AGFG2: variants seen among roughly 807,000 people sequenced by gnomAD.
AGFG2 encodes ArfGAP with FG repeats 2.
In AGFG2, 31 loss-of-function variants were observed where a neutral mutation model predicts 48.0. The ratio of observed to expected loss-of-function variants is 0.65; its 90% CI spans 0.49 to 0.87. The LOEUF (loss-of-function observed/expected upper bound fraction) is 0.87. Among genes scored for constraint, AGFG2 ranks in the 40% least tolerant of loss-of-function variants. AGFG2 has a pLI of 0.00. For synonymous variants in AGFG2, 229 were observed against 260.8 expected (o/e 0.88, Z 1.18); for missense variants, 599 against 632.6 (o/e 0.95, Z 0.57).
rs894300952 is a variant in AGFG2, at chr7:100,565,690, A to G, written c.*699A>G. The G allele has an allele frequency of 6.5e-6, 1 of 152,746 alleles. No individual in the cohort carries two copies. Among genetic ancestry groups the G allele is most frequent in the African/African-American group, 2.4e-5 (1 of 41,452 alleles). 9.5% of individuals were successfully genotyped at this position (152,746 alleles called of 1,614,324 possible). A position where few individuals can be genotyped will look rare whatever the true frequency, so the allele number is the denominator to read the frequency against. On this transcript the variant is annotated 3_prime_UTR_variant, in exon 12 of 12. Coordinates refer to ENST00000300176, the MANE Select transcript of AGFG2 (RefSeq NM_006076.5). The stretch of plus-strand genomic sequence containing the variant: ...TAAATAGATCTATCTATATGCACAT[A>G]CATACATATATACACACACCCAGCC...
At chr7:100,550,578 T>G (rs1265770684) in intron 3 of AGFG2, 67 bp downstream of exon 3, 8 of 1,294,964 alleles carry the variant, frequency 6.2e-6, no homozygotes, top group Non-Finnish European at 8.9e-6. Flanking sequence ...CAGTCCAGTT[T>G]CTAGAGTTGA....
At position 100,562,920 on chromosome 7, in the gene AGFG2, C is replaced by A. The variant is rs758079460; in HGVS notation, c.1145C>A (p.Pro382Gln). The A allele has an allele frequency of 6.2e-7, 1 of 1,613,984 alleles. No individual in the cohort carries two copies. Among genetic ancestry groups the A allele is most frequent in the African/African-American group, 1.3e-5 (1 of 74,916 alleles). ...CAGTCCCCGCTGCCTTCCACCAACC[C>A]GTTCCAGCCCAATGGCTTGGCGCCA... ...AAQSPLPSTN[P>Q]FQPNGLAPGP... Residue 382 changes from proline (P) to glutamine (Q), a missense_variant, in exon 9 of 12, where the codon CCG becomes CAG. By Grantham distance (76) the Pro-to-Gln change is moderately conservative. Transcript: ENST00000300176. This position sits in a 1 kb window ranked among gnomAD's most constrained non-coding sequence, Gnocchi z 5.4.
rs1800994476 is a variant in AGFG2 at position 100,565,814 on chromosome 7, GC to G, written c.*824del. 1.3e-5 allele frequency: 2 copies of G among 152,316 alleles called. No individual in the cohort carries two copies. Among genetic ancestry groups the G allele is most frequent in the Admixed American group, 1.3e-4 (2 of 15,280 alleles). The allele number at this position is 152,316 out of a possible 1,614,324, so 9.4% of individuals were successfully genotyped here. A position where few individuals can be genotyped will look rare whatever the true frequency, so the allele number is the denominator to read the frequency against. ...CCGGAGCTCCAGGGCTGGAGGGGGG[GC>G]AGCCATGTGTCCTGACCCCCACCAT... On this transcript the variant is annotated 3_prime_UTR_variant, in exon 12 of 12. Transcript: ENST00000300176.
At chr7:100,564,052 T>C (rs1054638834) in intron 10 of AGFG2, 90 bp downstream of exon 10, 13 of 1,572,782 alleles carry the variant, frequency 8.3e-6, no homozygotes, top group African/African-American at 4.0e-5. Flanking sequence ...TCAGAGCCCA[T>C]GCAGTGCCCT....
chr7:100,553,614 G>C (rs1435720182), intron 4 of AGFG2, 114 bp downstream of exon 4: 2 of 1,277,526 alleles, frequency 1.6e-6, no homozygotes, highest in African/African-American at 3.0e-5. Context: ...GCTGTGAGTT[G>C]GGTCTCGGCT....
At position 100,550,475 on chromosome 7, in the gene AGFG2, A is replaced by C. The variant is rs748556561; in HGVS notation, c.395A>C (p.Lys132Thr). Residue 132 changes from lysine (K) to threonine (T), a missense_variant, in exon 3 of 12, where the codon AAG becomes ACG. Lys to Thr is a moderately conservative substitution (Grantham distance 78). Coordinates refer to ENST00000300176, the MANE Select transcript of AGFG2 (RefSeq NM_006076.5). ...GATTCCAGGGATCCTCAGAAAGTGA[A>C]GGAGTTTCTCCAGGAAAAATATGAG... The part of the protein sequence containing the change: ...VPDSRDPQKV[K>T]EFLQEKYEKK... 4.9e-5 allele frequency: 79 copies of C among 1,613,940 alleles called. No homozygotes were observed. Among genetic ancestry groups the C allele is most frequent in the Non-Finnish European group, 6.7e-5 (79 of 1,179,966 alleles).
chr7:100,539,393 G>T lies in AGFG2; in HGVS notation c.47G>T (p.Ser16Ile). 1 of 1,305,354 alleles carries T rather than the reference G, an allele frequency of 7.7e-7. No individual in the cohort carries two copies. The allele number at this position is 1,305,354 out of a possible 1,614,324, so 80.9% of individuals were successfully genotyped here. A position where few individuals can be genotyped will look rare whatever the true frequency, so the allele number is the denominator to read the frequency against. The change falls in exon 1 of 12, where the codon AGC becomes ATC. Residue 16 changes from serine to isoleucine, a missense_variant. Transcript: ENST00000300176. ...GGCCCGGGCCCGGGCGGCGGGGTCAGCGGGGGCAAGGCGGAGGCGGAGGCG... is the reference window on the plus strand; with the variant it reads ...GGCCCGGGCCCGGGCGGCGGGGTCATCGGGGGCAAGGCGGAGGCGGAGGCG... Reference protein sequence around the residue: ...KKGPGPGGGVSGGKAEAEAAS... With the variant: ...KKGPGPGGGVIGGKAEAEAAS...
chr7:100,562,538 C>A lies in AGFG2; in HGVS notation c.999-56C>A. 1 of 1,611,990 alleles carries A rather than the reference C, an allele frequency of 6.2e-7. No homozygotes were observed. The highest frequency in any genetic ancestry group is 8.5e-7 in the Non-Finnish European group (1 of 1,178,932). ...AGGGTTGGCATCTCCTGGCCCCTTGCTCAGGTTTGATTGGCCCTGGCAGCT... is the reference window on the plus strand; with the variant it reads ...AGGGTTGGCATCTCCTGGCCCCTTGATCAGGTTTGATTGGCCCTGGCAGCT... On this transcript the variant is annotated intron_variant, in intron 7 of 11. Transcript: ENST00000300176. This position sits in a 1 kb window ranked among gnomAD's most constrained non-coding sequence, Gnocchi z 5.4.
intron 3 of AGFG2, among the ~76,000 whole-genome samples, chr7:100,552,878 G>A (rs1199860972): frequency 6.6e-6 from 1 of 152,144 alleles, no homozygotes; most frequent in African/African-American, 2.4e-5. Flanking sequence ...TGCCAGGTGT[G>A]GTGGCTCATG....
rs1800981667 is a variant in AGFG2 at position 100,565,237 on chromosome 7, G to A, written c.*246G>A. On this transcript the variant is annotated 3_prime_UTR_variant, in exon 12 of 12. Coordinates refer to ENST00000300176, the MANE Select transcript of AGFG2 (RefSeq NM_006076.5). ...GAGTGCGGGCAGGGCCTGACCTGGA[G>A]GAGTGATGGTTGAGGGGGAGGGATT... The A allele has an allele frequency of 1.7e-6, 1 of 582,660 alleles. No individual in the cohort carries two copies. The highest frequency in any genetic ancestry group is 3.1e-6 in the Non-Finnish European group (1 of 326,486). 36.1% of individuals were successfully genotyped at this position (582,660 alleles called of 1,614,324 possible). A position where few individuals can be genotyped will look rare whatever the true frequency, so the allele number is the denominator to read the frequency against.
chr7:100,563,324 C>T (rs1368950239), intron 9 of AGFG2, among the ~76,000 whole-genome samples: 3 of 152,240 alleles, frequency 2.0e-5, no homozygotes, highest in Non-Finnish European at 4.4e-5. Context: ...AACTCCAGGC[C>T]TGTTGTCTTC....
chr7:100,552,594 C>G (rs1450199500), intron 3 of AGFG2, among the ~76,000 whole-genome samples: 4 of 152,176 alleles, frequency 2.6e-5, no homozygotes. Context: ...TGGGAGGTAA[C>G]TGTGAGGTAG....
At chr7:100,553,554 G>A (rs1248046639) in intron 4 of AGFG2, 54 bp downstream of exon 4, 29 of 1,554,036 alleles carry the variant, frequency 1.9e-5, no homozygotes, top group Non-Finnish European at 2.4e-5. Context: ...AGACAGGAGT[G>A]TCAGTTTCCT....
chr7:100,562,330 G>T lies in AGFG2; in HGVS notation c.949G>T (p.Val317Leu), dbSNP rs1350732442. The T allele has an allele frequency of 6.2e-7, 1 of 1,614,144 alleles. No homozygotes were observed. ...CAGTCAGCCAAACAGCCTCGCAGACGTGGGCAGCTTCCTGGGACCCGGGGT... is the reference window on the plus strand; with the variant it reads ...CAGTCAGCCAAACAGCCTCGCAGACTTGGGCAGCTTCCTGGGACCCGGGGT... ...PASQPNSLAD[V>L]GSFLGPGVPA... is the part of the protein sequence containing the mutation. Residue 317 changes from valine (V) to leucine (L), a missense_variant, in exon 7 of 12, where the codon GTG (valine) becomes TTG (leucine). By Grantham distance (32) the Val-to-Leu change is conservative. Transcript: ENST00000300176. This position sits in a 1 kb window ranked among gnomAD's most constrained non-coding sequence, Gnocchi z 5.4.
chr7:100,558,743 G>A lies in AGFG2; in HGVS notation c.877+3008G>A, dbSNP rs745958814. On this transcript the variant is annotated intron_variant, in intron 6 of 11. Coordinates refer to ENST00000300176, the MANE Select transcript of AGFG2 (RefSeq NM_006076.5). ...TTTTTAGTAGAGACAGGGTTTCACC[G>A]TAAAGACAGTTTTTGGGGCAGACTC... Among the ~76,000 whole-genome samples, 7 of 151,730 alleles carry A rather than the reference G, an allele frequency of 4.6e-5. No homozygotes were observed. In the South Asian group the frequency reaches 6.2e-4, roughly 13 times the overall value.
In AGFG2 at chr7:100,548,894, C is replaced by T; in HGVS notation, c.294C>T (p.Phe98=). 1 of 1,613,654 alleles carries T rather than the reference C, an allele frequency of 6.2e-7. No individual in the cohort carries two copies. The highest frequency in any genetic ancestry group is 8.5e-7 in the Non-Finnish European group (1 of 1,179,740). The change falls in exon 2 of 12, where the codon TTC becomes TTT. Residue 98 remains phenylalanine, a synonymous_variant. Transcript: ENST00000300176. ...CTTTCACTGAGCCTGAAGTAGTATT[C>T]CTGCAATCCCGTGGAAATGAGGTGA... ...MTTFTEPEVV[F]LQSRGNEVCR... is the part of the protein sequence containing the mutation.
intron 1 of AGFG2, among the ~76,000 whole-genome samples, chr7:100,540,618 T>G (rs934390845): frequency 6.6e-6 from 1 of 152,234 alleles, no homozygotes; most frequent in African/African-American, 2.4e-5. Context: ...ACATCTGATA[T>G]CAGGCCTGGA....
chr7:100,545,398 C>T (rs753967277), intron 1 of AGFG2, among the ~76,000 whole-genome samples: 3 of 151,886 alleles, frequency 2.0e-5, no homozygotes, highest in Non-Finnish European at 4.4e-5. Flanking sequence ...AGAGAGGAGA[C>T]GGGAGGGAGG....
chr7:100,562,642 G>A lies in AGFG2; in HGVS notation c.1047G>A (p.Met349Ile), dbSNP rs1191950292. Reference sequence around the variant, plus strand: ...TCCCCCCGCTCCAGTCTGTCACGATGGGCGGCGGCGGCGGCAGCAGCACAG... The same window carrying A: ...TCCCCCCGCTCCAGTCTGTCACGATAGGCGGCGGCGGCGGCAGCAGCACAG... ...GQVPPLQSVT[M>I]GGGGGSSTGL... Residue 349 changes from methionine to isoleucine, a missense_variant, in exon 8 of 12, where the codon ATG becomes ATA. By Grantham distance (10) the Met-to-Ile change is conservative. Transcript: ENST00000300176. This position sits in a 1 kb window ranked among gnomAD's most constrained non-coding sequence, Gnocchi z 5.4. The A allele has an allele frequency of 6.2e-7, 1 of 1,609,948 alleles. No individual in the cohort carries two copies. The highest frequency in any genetic ancestry group is 8.5e-7 in the Non-Finnish European group (1 of 1,179,106).
Sources: gnomAD v4.1 joint callset for allele counts (sites outside exome capture counted in the v4.1 genomes callset) on GRCh38, gnomAD v4.1.1 for gene constraint, Gnocchi (gnomAD v3.1) non-coding constraint, MANE v1.5 for transcripts, NCBI Gene and HGNC (gene_info 2026-07-23, HGNC 2026-07-21) for gene names.